EWSR1: variants seen among roughly 807,000 people sequenced by gnomAD.
EWSR1 encodes RNA-binding protein EWS.
Under a neutral mutation model 92.1 loss-of-function variants are expected in EWSR1, and 14 were observed. The observed-to-expected ratio is 0.15, with a 90% CI of 0.10 to 0.24. The LOEUF (loss-of-function observed/expected upper bound fraction) is 0.24, where lower values mean the gene tolerates loss of function less well. Among genes scored for constraint, EWSR1 ranks in the 10% least tolerant of loss-of-function variants. The pLI, the probability that EWSR1 is intolerant of heterozygous loss-of-function variation, is 1.00. For missense variants in EWSR1, 637 were observed against 870.9 expected (o/e 0.73, Z 3.38); for synonymous variants, 303 against 292.9 (o/e 1.03, Z -0.35).
At chr22:29,299,136 C>T (rs1414359377) in intron 14 of EWSR1, 98 bp from the exon 15 acceptor site, 5 of 1,603,666 alleles carry the variant, frequency 3.1e-6, no homozygotes, top group African/African-American at 2.7e-5. Flanking sequence ...TACATAGATC[C>T]TCTTGATAGT....
intron 4 of EWSR1, chr22:29,277,648 T>G: frequency 4.2e-6 from 1 of 238,630 alleles, no homozygotes. Context: ...CTTGAGGGTA[T>G]TTTGGGGTAA....
rs1444207915 is a variant in EWSR1, at chr22:29,272,352, C to T, written c.51-28C>T. On this transcript the variant is annotated intron_variant, in intron 2 of 16. Transcript: ENST00000397938. ...AGGTGGTATTTGAATGTTCTCTATT[C>T]AAGTTATTGCATTTAATTCTTTTGC... 3.1e-6 allele frequency: 5 copies of T among 1,613,802 alleles called. No homozygotes were observed. In the Admixed American group the frequency reaches 8.3e-5, roughly 27 times the overall value.
At chr22:29,283,004 C>G (rs1250960093) in intron 6 of EWSR1, among the ~76,000 whole-genome samples, 2 of 152,168 alleles carry the variant, frequency 1.3e-5, no homozygotes, top group African/African-American at 4.8e-5. Flanking sequence ...CCTCGTGATC[C>G]ACCCATCTCG....
chr22:29,274,415 GA>G, intron 4 of EWSR1: 1 of 949,692 alleles, frequency 1.1e-6, no homozygotes, highest in Non-Finnish European at 1.7e-6. Context: ...AGGTGCTAAT[GA>G]AAAACTGCTT....
In EWSR1 at chr22:29,298,830, C is replaced by A; in HGVS notation, c.1515C>A (p.Ser505=). 6.3e-7 allele frequency: 1 copy of A among 1,596,062 alleles called. No individual in the cohort carries two copies. Among genetic ancestry groups the A allele is most frequent in the Non-Finnish European group, 8.5e-7 (1 of 1,174,844 alleles). ...TCCCTCCAAGAGGACCCCGGGGTTC[C>A]CGAGGGAACCCCTCTGGAGGAGGAA... is the stretch of plus-strand genomic sequence containing the variant. ...GGFPPRGPRG[S]RGNPSGGGNV... is the part of the protein sequence containing the mutation. The change falls in exon 14 of 17, where the codon TCC becomes TCA. Residue 505 remains serine (S), a synonymous_variant. Transcript: ENST00000397938.
intron 1 of EWSR1, among the ~76,000 whole-genome samples, chr22:29,268,630 C>T (rs992996355): frequency 1.3e-4 from 20 of 152,158 alleles, no homozygotes; most frequent in Non-Finnish European, 1.3e-4. Flanking sequence ...GTCCTCGCGC[C>T]CTGAGCTCCG....
intron 5 of EWSR1, among the ~76,000 whole-genome samples, chr22:29,279,543 A>C (rs1387453004): frequency 6.6e-6 from 1 of 152,266 alleles, no homozygotes; most frequent in Non-Finnish European, 1.5e-5. Flanking sequence ...ACTTAACAAA[A>C]GATTTTAGAT....
At chr22:29,275,949 CATTAA>C (rs1024747850) in intron 4 of EWSR1, 2 of 215,410 alleles carry the variant, frequency 9.3e-6, no homozygotes, top group African/African-American at 4.8e-5. Flanking sequence ...TTTTTTTGGT[CATTAA>C]ATCATTTTGC....
At position 29,300,221 on chromosome 22, in the gene EWSR1, T is replaced by A. The variant is rs2061244039; in HGVS notation, c.*60T>A. The stretch of plus-strand genomic sequence containing the variant: ...GATTTATTTTTTAAACCAGAAAATG[T>A]TTTAAATTTATAATTCCATATTTAT... On this transcript the variant is annotated 3_prime_UTR_variant, in exon 17 of 17. Transcript: ENST00000397938. 1.3e-6 allele frequency: 2 copies of A among 1,485,798 alleles called. No individual in the cohort carries two copies. The highest frequency in any genetic ancestry group is 1.4e-5 in the African/African-American group (1 of 71,824). The allele number at this position is 1,485,798 out of a possible 1,614,324, so 92.0% of individuals were successfully genotyped here.
At chr22:29,282,609 C>T (rs755718772) in intron 6 of EWSR1, 52 bp downstream of exon 6, 2 of 1,455,944 alleles carry the variant, frequency 1.4e-6, no homozygotes, top group Admixed American at 5.5e-5. Context: ...CAGTTTTTTT[C>T]AGGTTGTTGA....
intron 1 of EWSR1, among the ~76,000 whole-genome samples, chr22:29,271,474 T>G (rs565456626): frequency 6.6e-6 from 1 of 152,306 alleles, no homozygotes; most frequent in South Asian, 2.1e-4. Context: ...TTTTTTTAAG[T>G]TGAAATCATT....
chr22:29,282,243 GTATT>G (rs914981668), intron 5 of EWSR1, 143 bp from the exon 6 acceptor site: 21 of 642,266 alleles, frequency 3.3e-5, no homozygotes, highest in African/African-American at 7.6e-5. Context: ...CTTTAGGATT[GTATT>G]TATTATTGTA....
chr22:29,293,607 C>G (rs2060613749), intron 11 of EWSR1, among the ~76,000 whole-genome samples: 1 of 152,188 alleles, frequency 6.6e-6, no homozygotes, highest in South Asian at 2.1e-4. Flanking sequence ...GCTGTGTCAC[C>G]AGGCTGGAGT....
chr22:29,299,555 GCAGCCACCCACT>G, intron 15 of EWSR1, 32 bp from the exon 16 acceptor site: 2 of 1,546,598 alleles, frequency 1.3e-6, no homozygotes, highest in Non-Finnish European at 1.8e-6. Flanking sequence ...CAGGGCCTCT[GCAGCCACCCACT>G]GACTGCTTTC....
intron 8 of EWSR1, chr22:29,289,089 T>C (rs1269392060): frequency 3.1e-6 from 1 of 327,530 alleles, no homozygotes. Context: ...GGTAGTAGAT[T>C]TGGGATGGAA....
intron 6 of EWSR1, among the ~76,000 whole-genome samples, chr22:29,285,030 G>A (rs992619770): frequency 1.3e-5 from 2 of 150,908 alleles, no homozygotes; most frequent in African/African-American, 5.0e-5. Context: ...TGTTGGTCAG[G>A]CTAGTCTCGA....
chr22:29,289,606 T>G, intron 8 of EWSR1: 2 of 232,696 alleles, frequency 8.6e-6, no homozygotes, highest in Non-Finnish European at 1.7e-5. Flanking sequence ...TCTGTGTGTG[T>G]TCTGTCCCTA....
chr22:29,297,756 T>G, intron 12 of EWSR1, 71 bp from the exon 13 acceptor site: 3 of 1,585,880 alleles, frequency 1.9e-6, no homozygotes, highest in East Asian at 2.2e-5. Context: ...GGAGTGGTCA[T>G]TTGATGATGA....
Position 29,296,281 on chromosome 22 carries a change from G to A in EWSR1, c.1207G>A (p.Asp403Asn), listed in dbSNP as rs2060854254. Residue 403 changes from aspartate (D) to asparagine (N), a missense_variant, in exon 12 of 17, where the codon GAC becomes AAC. Physicochemically the swap from Asp to Asn is conservative, Grantham distance 23. This residue lies in a region of EWSR1 where 363 missense variants were observed against 447.8 expected (regional missense o/e 0.81). Transcript: ENST00000397938. The stretch of plus-strand genomic sequence containing the variant: ...GCAACCCATGATCCACATCTACCTG[G>A]ACAAGGAAACAGGAAAGCCCAAAGG... ...TGQPMIHIYL[D>N]KETGKPKGDA... 1.2e-6 allele frequency: 2 copies of A among 1,614,040 alleles called. No individual in the cohort carries two copies. The highest frequency in any genetic ancestry group is 1.7e-6 in the Non-Finnish European group (2 of 1,180,016).
Sources: allele counts gnomAD v4.1 joint callset (sites outside exome capture counted in the v4.1 genomes callset), GRCh38; gene constraint gnomAD v4.1.1; regional missense constraint gnomAD v4.1.1; transcripts MANE v1.5; gene names NCBI Gene and HGNC (gene_info 2026-07-23, HGNC 2026-07-21).